KIAA1217: variants seen among roughly 807,000 people sequenced by gnomAD.
The protein encoded by KIAA1217 is sickle tail protein homolog.
KIAA1217 carries 88 observed loss-of-function variants against 163.9 expected under a neutral mutation model. That is an observed-to-expected ratio of 0.54 (90% CI 0.45 to 0.64). The LOEUF (loss-of-function observed/expected upper bound fraction) is 0.64. Among genes scored for constraint, KIAA1217 ranks in the 30% least tolerant of loss-of-function variants. The pLI is 0.00. For missense variants in KIAA1217, 2,372 were observed against 2,475.0 expected (o/e 0.96, Z 0.88); for synonymous variants, 903 against 923.1 (o/e 0.98, Z 0.39).
At chr10:23,851,840 G>T (rs898852566) in intron 1 of KIAA1217, among the ~76,000 whole-genome samples, 1 of 151,570 alleles carries the variant, frequency 6.6e-6, no homozygotes, top group African/African-American at 2.4e-5. Flanking sequence ...CATGTCCTTC[G>T]CCCACTTTTT....
At chr10:23,927,256 A>G (rs1159505456) in intron 1 of KIAA1217, among the ~76,000 whole-genome samples, 1 of 150,704 alleles carries the variant, frequency 6.6e-6, no homozygotes, top group African/African-American at 2.5e-5. Flanking sequence ...GAAAATTTTT[A>G]CTATAAGTTA....
chr10:23,838,764 TAA>T (rs1180782200), intron 1 of KIAA1217, among the ~76,000 whole-genome samples: 2 of 152,198 alleles, frequency 1.3e-5, no homozygotes, highest in Non-Finnish European at 2.9e-5. Flanking sequence ...CCCAGCCGCT[TAA>T]GATTCTTTTT....
At chr10:24,284,125 G>C (rs2078284168) in intron 2 of KIAA1217, among the ~76,000 whole-genome samples, 1 of 151,818 alleles carries the variant, frequency 6.6e-6, no homozygotes, top group African/African-American at 2.4e-5. Flanking sequence ...GGCCAGGCTG[G>C]TCTCCATCTC....
intron 6 of KIAA1217, among the ~76,000 whole-genome samples, chr10:24,479,379 T>C (rs1027978680): frequency 1.3e-5 from 2 of 152,214 alleles, no homozygotes; most frequent in African/African-American, 4.8e-5. Context: ...TCCTAAACCA[T>C]GATTTATCCT....
chr10:24,383,047 A>T (rs2053533416), intron 3 of KIAA1217, among the ~76,000 whole-genome samples: 3 of 151,690 alleles, frequency 2.0e-5, no homozygotes. Flanking sequence ...GGGTCTCACT[A>T]TGTTGCCCAG....
intron 2 of KIAA1217, among the ~76,000 whole-genome samples, chr10:24,040,172 T>C (rs1848571999): frequency 6.6e-6 from 1 of 152,182 alleles, no homozygotes; most frequent in South Asian, 2.1e-4. Context: ...CTCGAAGTCA[T>C]GTGATTTGTA....
In KIAA1217 at chr10:24,088,878, C is replaced by G. The variant is rs2061819563; in HGVS notation, c.-171+81504C>G. On this transcript the variant is annotated intron_variant, in intron 2 of 18. Transcript: ENST00000376462. ...CCCTGAGGAATCGCCACACTGACTT[C>G]CACAATGGTTGAACTAGTTTACAGT... Among the ~76,000 whole-genome samples the G allele has an allele frequency of 1.6e-5, 2 of 124,844 alleles. 1 individual carries two copies. The highest frequency in any genetic ancestry group is 1.5e-4 in the Admixed American group (2 of 12,938). 81.9% of individuals were successfully genotyped at this position (124,844 alleles called of 152,430 possible).
At chr10:23,911,917 T>A (rs1397831682) in intron 1 of KIAA1217, among the ~76,000 whole-genome samples, 1 of 152,110 alleles carries the variant, frequency 6.6e-6, no homozygotes, top group Non-Finnish European at 1.5e-5. Context: ...CAGATAATGA[T>A]GAACAATAGG....
At chr10:24,134,852 C>G (rs1213212869) in intron 2 of KIAA1217, among the ~76,000 whole-genome samples, 2 of 152,136 alleles carry the variant, frequency 1.3e-5, no homozygotes, top group Non-Finnish European at 2.9e-5. Context: ...TCTGGGATTA[C>G]AGGTGTGAGC....
Position 24,473,792 on chromosome 10 carries a change from C to T in KIAA1217, c.1411C>T (p.Pro471Ser), listed in dbSNP as rs768198773. Reference sequence around the variant, plus strand: ...TTTGCCTACACTGGGCTCCAAAACACCCCCTGCCTCTCCTCACAGAGTCAG... The same window carrying T: ...TTTGCCTACACTGGGCTCCAAAACATCCCCTGCCTCTCCTCACAGAGTCAG... ...SHLPTLGSKTPPASPHRVSDL... is the reference protein window; with the variant it reads ...SHLPTLGSKTSPASPHRVSDL... The change falls in exon 6 of 21, where the codon CCC (proline) becomes TCC (serine). Residue 471 changes from proline to serine, a missense_variant. Around this residue, in one of 3 missense-constraint regions of KIAA1217, gnomAD observed 1,431 missense variants for 1,470.3 expected, o/e 0.97. Coordinates refer to ENST00000376454, the MANE Select transcript of KIAA1217 (RefSeq NM_019590.5). 2 of 1,614,128 alleles carry T rather than the reference C, an allele frequency of 1.2e-6. No homozygotes were observed. The highest frequency in any genetic ancestry group is 1.7e-6 in the Non-Finnish European group (2 of 1,180,012).
intron 2 of KIAA1217, among the ~76,000 whole-genome samples, chr10:24,020,371 T>C (rs369742303): frequency 6.6e-6 from 1 of 152,098 alleles, no homozygotes; most frequent in Non-Finnish European, 1.5e-5. Context: ...TCAGTAAAAG[T>C]AGCAAACTTG....
intron 1 of KIAA1217, among the ~76,000 whole-genome samples, chr10:23,976,836 T>C (rs951526014): frequency 2.6e-5 from 4 of 152,296 alleles, no homozygotes; most frequent in Non-Finnish European, 4.4e-5. Flanking sequence ...CAAGGGAAAA[T>C]TCTTGATGCT....
intron 2 of KIAA1217, among the ~76,000 whole-genome samples, chr10:24,014,061 C>G (rs185571979): frequency 1.3e-5 from 2 of 152,230 alleles, no homozygotes; most frequent in East Asian, 1.9e-4. Context: ...AGGTGAGATA[C>G]CAACACATTC....
chr10:24,488,987 A>C (rs897252970), intron 6 of KIAA1217, among the ~76,000 whole-genome samples: 1 of 152,208 alleles, frequency 6.6e-6, no homozygotes, highest in East Asian at 1.9e-4. Context: ...TAAGGGCTCA[A>C]AAATATTTGT....
chr10:23,746,118 G>A (rs896969644), intron 1 of KIAA1217, among the ~76,000 whole-genome samples: 6 of 152,154 alleles, frequency 3.9e-5, no homozygotes, highest in African/African-American at 1.4e-4. Flanking sequence ...GGGTCATGGG[G>A]GCAGATCCCT....
At chr10:23,997,989 T>C (rs972856424) in intron 1 of KIAA1217, among the ~76,000 whole-genome samples, 5 of 151,284 alleles carry the variant, frequency 3.3e-5, no homozygotes, top group Non-Finnish European at 7.4e-5. Flanking sequence ...CTTTCTTTTT[T>C]TTTTTCCCCC....
chr10:24,110,463 C>A (rs2062805101), intron 2 of KIAA1217, among the ~76,000 whole-genome samples: 1 of 152,098 alleles, frequency 6.6e-6, no homozygotes, highest in Non-Finnish European at 1.5e-5. Context: ...TATTTGGCAT[C>A]CCTTGAGTGG....
chr10:24,041,669 G>A (rs1387985739), intron 2 of KIAA1217, among the ~76,000 whole-genome samples: 2 of 152,174 alleles, frequency 1.3e-5, no homozygotes, highest in East Asian at 1.9e-4. Context: ...TCATGGTGCT[G>A]TGCCTGTTCT....
At chr10:24,029,479 T>C (rs147176964) in intron 2 of KIAA1217, among the ~76,000 whole-genome samples, 1 of 152,142 alleles carries the variant, frequency 6.6e-6, no homozygotes, top group Non-Finnish European at 1.5e-5. Flanking sequence ...CCTCAGTGGA[T>C]CTTTATTTAC....
Sources: allele counts gnomAD v4.1 joint callset (sites outside exome capture counted in the v4.1 genomes callset), GRCh38; gene constraint gnomAD v4.1.1; regional missense constraint gnomAD v4.1.1; transcripts MANE v1.5; gene names NCBI Gene and HGNC (gene_info 2026-07-23, HGNC 2026-07-21).